IDO2: variants seen among roughly 807,000 people sequenced by gnomAD.
IDO2 encodes the protein indoleamine 2,3-dioxygenase 2.
In IDO2, 46 loss-of-function variants were observed where a neutral mutation model predicts 45.1. The ratio of observed to expected loss-of-function variants is 1.02; its 90% CI spans 0.80 to 1.30. The LOEUF (loss-of-function observed/expected upper bound fraction) is 1.30, where lower values mean the gene tolerates loss of function less well. Ranked by LOEUF, IDO2 falls within the 50% of genes most tolerant of loss-of-function variation. IDO2 has a pLI of 0.00. For missense variants in IDO2, 544 were observed against 491.8 expected (o/e 1.11, Z -1.00); for synonymous variants, 218 against 184.9 (o/e 1.18, Z -1.45).
intron 3 of IDO2, among the ~76,000 whole-genome samples, chr8:39,970,145 T>C (rs1164526735): frequency 2.0e-5 from 3 of 152,220 alleles, no homozygotes; most frequent in African/African-American, 7.2e-5. Context: ...AACCAAAGCC[T>C]AATTCAAAGA....
At chr8:39,936,438 A>G (rs1212007335) in intron 1 of IDO2, among the ~76,000 whole-genome samples, 3 of 152,208 alleles carry the variant, frequency 2.0e-5, no homozygotes. Flanking sequence ...CCCAAAAGTC[A>G]AGGAGGCTGA....
rs558490506 is a variant in IDO2 at position 40,013,547 on chromosome 8, C to G, written c.720-18C>G. 3.1e-6 allele frequency: 5 copies of G among 1,607,754 alleles called. No homozygotes were observed. The East Asian group carries it at 1.1e-4, about 36-fold the overall frequency. On this transcript the variant is annotated intron_variant, in intron 9 of 10. Transcript: ENST00000502986. Reference sequence around the variant, plus strand: ...CTCCCTGCACCCCTTTCATCTCTCTCACTTTTCTCTTGCTTAGATGGAAAG... The same window carrying G: ...CTCCCTGCACCCCTTTCATCTCTCTGACTTTTCTCTTGCTTAGATGGAAAG...
intron 4 of IDO2, among the ~76,000 whole-genome samples, chr8:39,980,704 G>T (rs1421691866): frequency 6.6e-6 from 1 of 152,106 alleles, no homozygotes; most frequent in Non-Finnish European, 1.5e-5. Flanking sequence ...GAGGAAAAGT[G>T]TAGAGTCATT....
chr8:39,989,961 GC>G (rs957016205), intron 8 of IDO2, 123 bp downstream of exon 8: 6 of 603,014 alleles, frequency 1.0e-5, no homozygotes, highest in Non-Finnish European at 1.8e-5. Context: ...ACCAGATGAC[GC>G]TGGTGGACTA....
intron 9 of IDO2, among the ~76,000 whole-genome samples, chr8:40,008,390 C>A (rs2955887): frequency 0.086 from 13,037 of 152,144 alleles, 647 homozygotes; most frequent in Middle Eastern, 0.15. Context: ...TTCCTTCTCA[C>A]CTCTCCTTCT....
chr8:39,951,857 C>T (rs1232253810), intron 2 of IDO2, among the ~76,000 whole-genome samples: 6 of 152,174 alleles, frequency 3.9e-5, no homozygotes, highest in Admixed American at 1.3e-4. Flanking sequence ...TAGAATTCCC[C>T]TCTTTGTTCT....
chr8:39,971,630 G>A lies in IDO2; in HGVS notation c.196-7437G>A, dbSNP rs148872476. Reference sequence around the variant, plus strand: ...AAAGCATTCATGATTCATGGAGGACGTCAAAATAAAAACATTAATAGGAGT... The same window carrying A: ...AAAGCATTCATGATTCATGGAGGACATCAAAATAAAAACATTAATAGGAGT... On this transcript the variant is annotated intron_variant, in intron 3 of 10. Transcript: ENST00000502986. Among the ~76,000 whole-genome samples, 76 of 152,224 alleles carry A rather than the reference G, an allele frequency of 5.0e-4. 1 individual carries two copies. In the East Asian group the frequency reaches 0.012, roughly 24 times the overall value.
At chr8:39,951,309 T>C (rs1807811975) in intron 2 of IDO2, among the ~76,000 whole-genome samples, 1 of 143,184 alleles carries the variant, frequency 7.0e-6, no homozygotes, top group Admixed American at 7.2e-5. Flanking sequence ...AGAATCTCTT[T>C]CTATCGCCCA....
At chr8:39,954,972 G>A (rs567575443) in intron 2 of IDO2, among the ~76,000 whole-genome samples, 2 of 151,048 alleles carry the variant, frequency 1.3e-5, no homozygotes, top group Non-Finnish European at 2.9e-5. Context: ...CTGTCTCTTT[G>A]TGTCCAAATT....
intron 2 of IDO2, among the ~76,000 whole-genome samples, chr8:39,960,111 T>G (rs1186931215): frequency 6.6e-6 from 1 of 151,980 alleles, no homozygotes; most frequent in Admixed American, 6.5e-5. Flanking sequence ...ATGGGTAATG[T>G]ATAGGTCTAT....
At chr8:40,009,907 T>A (rs1802285076) in intron 9 of IDO2, among the ~76,000 whole-genome samples, 2 of 152,178 alleles carry the variant, frequency 1.3e-5, no homozygotes, top group African/African-American at 4.8e-5. Flanking sequence ...ACTTGTAGGA[T>A]GTTATTTTTA....
At chr8:39,935,657 C>A (rs1450418548) in intron 1 of IDO2, among the ~76,000 whole-genome samples, 1 of 152,080 alleles carries the variant, frequency 6.6e-6, no homozygotes, top group African/African-American at 2.4e-5. Context: ...ACCATGTTGG[C>A]CAGGCTGGCC....
At chr8:40,003,882 T>C (rs1410928496) in intron 8 of IDO2, among the ~76,000 whole-genome samples, 3 of 152,228 alleles carry the variant, frequency 2.0e-5, no homozygotes, top group East Asian at 3.8e-4. Flanking sequence ...GGATTCCTTT[T>C]ATCCATTTAA....
chr8:39,988,196 C>T (rs568464212), intron 7 of IDO2, among the ~76,000 whole-genome samples: 25 of 152,104 alleles, frequency 1.6e-4, no homozygotes, highest in Non-Finnish European at 2.9e-4. Flanking sequence ...AACAAACAGG[C>T]ATTGGTTTGG....
intron 2 of IDO2, among the ~76,000 whole-genome samples, chr8:39,961,926 T>A (rs1034770171): frequency 2.6e-5 from 4 of 152,212 alleles, no homozygotes; most frequent in Admixed American, 1.3e-4. Context: ...GTTAGGGGGA[T>A]AAATCAGAGA....
chr8:39,958,794 G>A (rs761048601), intron 2 of IDO2, among the ~76,000 whole-genome samples: 4 of 150,928 alleles, frequency 2.7e-5, no homozygotes, highest in Non-Finnish European at 4.4e-5. Flanking sequence ...ATTTTCCTAT[G>A]CTACTTTCTT....
At chr8:39,975,386 C>A (rs1300921252) in intron 3 of IDO2, among the ~76,000 whole-genome samples, 2 of 151,890 alleles carry the variant, frequency 1.3e-5, no homozygotes, top group Non-Finnish European at 2.9e-5. Context: ...AAGATATTGT[C>A]ACACATATAA....
chr8:40,015,925 A>C (rs996221754), exon 11 of IDO2: 10 of 361,848 alleles, frequency 2.8e-5, no homozygotes, highest in African/African-American at 1.7e-4. Context: ...GTCAAAAATC[A>C]GATAAAATTG....
At chr8:39,984,355 A>G (rs1808393831) in intron 5 of IDO2, among the ~76,000 whole-genome samples, 2 of 152,188 alleles carry the variant, frequency 1.3e-5, no homozygotes. Flanking sequence ...GGTGCCTGCA[A>G]TCCCAGCTAC....
Sources: gnomAD v4.1 joint callset for allele counts (sites outside exome capture counted in the v4.1 genomes callset) on GRCh38, gnomAD v4.1.1 for gene constraint, MANE v1.5 for transcripts, NCBI Gene and HGNC (gene_info 2026-07-23, HGNC 2026-07-21) for gene names.